The following ATXN1 variants were observed in gnomAD, a reference collection of about 807,000 sequenced individuals.
ATXN1 encodes the protein ataxin-1.
ATXN1 carries 8 observed loss-of-function variants against 56.4 expected under a neutral mutation model. That is an observed-to-expected ratio of 0.14 (90% CI 0.08 to 0.26). The LOEUF is 0.26. ATXN1 is among the 10% of genes least tolerant of loss of function. The pLI is 1.00. For missense variants in ATXN1, 987 were observed against 1,106.5 expected (o/e 0.89, Z 1.53); for synonymous variants, 514 against 494.6 (o/e 1.04, Z -0.52).
intron 3 of ATXN1, among the ~76,000 whole-genome samples, chr6:16,598,134 A>T (rs1762847399): frequency 6.6e-6 from 1 of 152,238 alleles, no homozygotes; most frequent in Admixed American, 6.5e-5. Flanking sequence ...TTGCCTATAA[A>T]TATAAAAAGT....
chr6:16,347,387 T>A (rs1456954916), intron 6 of ATXN1, among the ~76,000 whole-genome samples: 1 of 152,224 alleles, frequency 6.6e-6, no homozygotes, highest in African/African-American at 2.4e-5. Flanking sequence ...TCAAGGTTTG[T>A]AAACACACCA....
intron 3 of ATXN1, among the ~76,000 whole-genome samples, chr6:16,618,251 C>T (rs905343596): frequency 6.6e-6 from 1 of 151,892 alleles, no homozygotes; most frequent in Non-Finnish European, 1.5e-5. Context: ...CATCACACAC[C>T]GGGGCCTGTC....
chr6:16,612,559 T>C (rs186428706), intron 3 of ATXN1, among the ~76,000 whole-genome samples: 6 of 152,248 alleles, frequency 3.9e-5, no homozygotes, highest in Admixed American at 2.6e-4. Context: ...AGTATTTTTA[T>C]CATTAAGAAA....
intron 7 of ATXN1, among the ~76,000 whole-genome samples, chr6:16,310,560 G>T (rs1363174503): frequency 2.0e-5 from 3 of 152,180 alleles, no homozygotes; most frequent in Non-Finnish European, 4.4e-5. Context: ...TCGGCTCACT[G>T]CAATCTCCGC....
chr6:16,384,497 G>T (rs1167222372), intron 6 of ATXN1, among the ~76,000 whole-genome samples: 1 of 152,170 alleles, frequency 6.6e-6, no homozygotes, highest in East Asian at 1.9e-4. Flanking sequence ...TAAAACAGAA[G>T]ATCTAAAAGA....
intron 6 of ATXN1, among the ~76,000 whole-genome samples, chr6:16,408,066 T>A (rs1409427355): frequency 6.6e-6 from 1 of 152,042 alleles, no homozygotes; most frequent in South Asian, 2.1e-4. Flanking sequence ...ACATTAGGAA[T>A]ATCTACCAAC....
At chr6:16,409,335 C>T (rs760835621) in intron 6 of ATXN1, among the ~76,000 whole-genome samples, 2 of 151,604 alleles carry the variant, frequency 1.3e-5, no homozygotes, top group Non-Finnish European at 2.9e-5. Context: ...GTTATGAGCA[C>T]CAACATTTTA....
intron 6 of ATXN1, among the ~76,000 whole-genome samples, chr6:16,403,541 G>A (rs940104838): frequency 2.5e-4 from 38 of 152,148 alleles, no homozygotes; most frequent in African/African-American, 9.2e-4. Context: ...AGTAGAGATG[G>A]GGTTTCGCCA....
At chr6:16,417,742 C>T (rs1758943583) in intron 6 of ATXN1, among the ~76,000 whole-genome samples, 1 of 151,096 alleles carries the variant, frequency 6.6e-6, no homozygotes, top group African/African-American at 2.4e-5. Context: ...GTGGCCACAA[C>T]TTTTTTTTTA....
At chr6:16,446,231 T>C (rs1480825223) in intron 6 of ATXN1, among the ~76,000 whole-genome samples, 1 of 151,990 alleles carries the variant, frequency 6.6e-6, no homozygotes, top group African/African-American at 2.4e-5. Context: ...TGGTGTGAGA[T>C]GGTATCTCAT....
intron 2 of ATXN1, among the ~76,000 whole-genome samples, chr6:16,694,751 T>C (rs764437770): frequency 4.1e-4 from 62 of 152,042 alleles, no homozygotes; most frequent in African/African-American, 1.3e-3. Context: ...GATAAGAGGG[T>C]CCTACTACCT....
chr6:16,478,398 G>A (rs945436629), intron 6 of ATXN1, among the ~76,000 whole-genome samples: 3 of 152,170 alleles, frequency 2.0e-5, no homozygotes, highest in Non-Finnish European at 2.9e-5. Flanking sequence ...TTCACAAGCC[G>A]AAGTATGACA....
intron 2 of ATXN1, among the ~76,000 whole-genome samples, chr6:16,752,353 A>G (rs1760749192): frequency 6.6e-6 from 1 of 152,182 alleles, no homozygotes; most frequent in South Asian, 2.1e-4. Flanking sequence ...CAGTGCCTAG[A>G]CAGATCAATG....
intron 2 of ATXN1, among the ~76,000 whole-genome samples, chr6:16,736,392 C>A (rs1044933654): frequency 1.3e-5 from 2 of 152,116 alleles, no homozygotes; most frequent in African/African-American, 4.8e-5. Flanking sequence ...TGTTATCTAA[C>A]ACAACAGTTC....
chr6:16,329,035 T>C (rs1399888184), intron 6 of ATXN1, among the ~76,000 whole-genome samples: 4 of 152,172 alleles, frequency 2.6e-5, no homozygotes, highest in Non-Finnish European at 5.9e-5. Flanking sequence ...CTGTAACACA[T>C]ATATTTTTTA....
At chr6:16,573,519 T>C (rs889695052) in intron 4 of ATXN1, among the ~76,000 whole-genome samples, 1 of 152,134 alleles carries the variant, frequency 6.6e-6, no homozygotes, top group Non-Finnish European at 1.5e-5. Flanking sequence ...CTGGCCACCC[T>C]ACATACATTG....
chr6:16,327,615 C>T lies in ATXN1; in HGVS notation c.696G>A (p.Gly232=), dbSNP rs1005626144. The change falls in exon 7 of 8, where the codon GGG becomes GGA. Residue 232 remains glycine, a synonymous_variant. Transcript: ENST00000436367. ...GTGGGGGGGACCCCGGGGTGATGAG[C>T]CCCGGAGCCCTGCTGAGGTGCTGCT... is the stretch of plus-strand genomic sequence containing the variant. ...QQQQHLSRAP[G]LITPGSPPPA... 5.7e-6 allele frequency: 9 copies of T among 1,588,946 alleles called. No homozygotes were observed. Among genetic ancestry groups the T allele is most frequent in the South Asian group, 2.2e-5 (2 of 89,066 alleles).
At chr6:16,726,867 A>T (rs1278383983) in intron 2 of ATXN1, among the ~76,000 whole-genome samples, 1 of 152,198 alleles carries the variant, frequency 6.6e-6, no homozygotes, top group South Asian at 2.1e-4. Flanking sequence ...TCAAAAAAAA[A>T]CAAAGAATAA....
chr6:16,664,697 G>A (rs1272367521), intron 2 of ATXN1, among the ~76,000 whole-genome samples: 1 of 151,888 alleles, frequency 6.6e-6, no homozygotes, highest in African/African-American at 2.4e-5. Context: ...ACCAGACTAG[G>A]CCAGTGGTCC....
Sources: gnomAD v4.1 joint callset for allele counts (sites outside exome capture counted in the v4.1 genomes callset) on GRCh38, gnomAD v4.1.1 for gene constraint, MANE v1.5 for transcripts, NCBI Gene and HGNC (gene_info 2026-07-23, HGNC 2026-07-21) for gene names.